GPR137C: variants seen among roughly 807,000 people sequenced by gnomAD.
The protein encoded by GPR137C is integral membrane protein GPR137C.
GPR137C carries 27 observed loss-of-function variants against 43.4 expected under a neutral mutation model. The ratio of observed to expected loss-of-function variants is 0.62; its 90% confidence interval spans 0.46 to 0.86. The LOEUF is 0.86. GPR137C is among the 40% of genes least tolerant of loss of function. The pLI, the probability that GPR137C is intolerant of heterozygous loss-of-function variation, is 0.00. For missense variants in GPR137C, 522 were observed against 534.6 expected (o/e 0.98, Z 0.23); for synonymous variants, 285 against 226.9 (o/e 1.26, Z -2.30).
Position 52,563,769 on chromosome 14 carries a change from AC to A in GPR137C, c.444+10179del, listed in dbSNP as rs576112472. 1.6e-4 allele frequency among the ~76,000 whole-genome samples: 24 copies of A among 152,254 alleles called. 2 individuals are homozygous for A. The South Asian group carries it at 5.0e-3, about 32-fold the overall frequency. On this transcript the variant is annotated intron_variant, in intron 1 of 6. Coordinates refer to ENST00000321662, the MANE Select transcript of GPR137C (RefSeq NM_001099652.2). ...TTCTCAATATTCTTTCTCCCTCATT[AC>A]GCACATTCACTGCATCACCAAATCC...
chr14:52,557,580 AT>A, intron 1 of GPR137C, among the ~76,000 whole-genome samples: 1 of 152,254 alleles, frequency 6.6e-6, no homozygotes, highest in African/African-American at 2.4e-5. Flanking sequence ...AATCTACTAA[AT>A]TTTTTCACTA....
At chr14:52,579,270 C>T (rs2038609617) in intron 1 of GPR137C, among the ~76,000 whole-genome samples, 1 of 152,150 alleles carries the variant, frequency 6.6e-6, no homozygotes, top group African/African-American at 2.4e-5. Flanking sequence ...ATTTAACTTT[C>T]ATGCTTTAGA....
intron 3 of GPR137C, among the ~76,000 whole-genome samples, chr14:52,627,860 TA>T (rs2039247131): frequency 1.3e-5 from 2 of 152,152 alleles, no homozygotes; most frequent in South Asian, 4.1e-4. Context: ...ATATGTATAT[TA>T]AAAATAAAAA....
At position 52,614,412 on chromosome 14, in the gene GPR137C, G is replaced by A. The variant is rs572951857; in HGVS notation, c.717+14071G>A. Among the ~76,000 whole-genome samples the A allele has an allele frequency of 2.0e-5, 3 of 152,164 alleles. No homozygotes were observed. The South Asian group carries it at 6.2e-4, about 32-fold the overall frequency. ...CTGGGATTACAGGTGTGAGCCATGA[G>A]CACTTTTTCATATTCTTGTTCGCCA... is the stretch of plus-strand genomic sequence containing the variant. On this transcript the variant is annotated intron_variant, in intron 3 of 6. Transcript: ENST00000321662.
At chr14:52,564,570 A>AG (rs2038337531) in intron 1 of GPR137C, among the ~76,000 whole-genome samples, 1 of 152,130 alleles carries the variant, frequency 6.6e-6, no homozygotes, top group Non-Finnish European at 1.5e-5. Flanking sequence ...TCTTCAAGGA[A>AG]GCCTTCACTC....
At position 52,614,198 on chromosome 14, in the gene GPR137C, G is replaced by A. The variant is rs146403688; in HGVS notation, c.717+13857G>A. On this transcript the variant is annotated intron_variant, in intron 3 of 6. Transcript: ENST00000321662. Reference sequence around the variant, plus strand: ...TGCAGTGGCATGATCTCAGCTCCCCGCAGCCTCAACCTCCTGGGCTCAATC... The same window carrying A: ...TGCAGTGGCATGATCTCAGCTCCCCACAGCCTCAACCTCCTGGGCTCAATC... 2.5e-3 allele frequency among the ~76,000 whole-genome samples: 381 copies of A among 149,826 alleles called. 1 individual carries two copies. Among genetic ancestry groups the A allele is most frequent in the African/African-American group, 9.0e-3 (364 of 40,658 alleles).
chr14:52,573,332 G>C (rs2038500588), intron 1 of GPR137C, among the ~76,000 whole-genome samples: 1 of 152,100 alleles, frequency 6.6e-6, no homozygotes, highest in Non-Finnish European at 1.5e-5. Context: ...ATACTACAAG[G>C]CTACAGTAAC....
At chr14:52,594,436 C>T (rs534516105) in intron 1 of GPR137C, among the ~76,000 whole-genome samples, 21 of 151,158 alleles carry the variant, frequency 1.4e-4, no homozygotes, top group Admixed American at 7.9e-4. Flanking sequence ...TTAAAGTCTC[C>T]GATTATTGGG....
At chr14:52,587,694 A>G (rs1380671694) in intron 1 of GPR137C, among the ~76,000 whole-genome samples, 1 of 152,172 alleles carries the variant, frequency 6.6e-6, no homozygotes, top group Non-Finnish European at 1.5e-5. Flanking sequence ...TGCTTGAACC[A>G]TGGAGGTGGA....
chr14:52,574,838 A>T (rs2038527408), intron 1 of GPR137C, among the ~76,000 whole-genome samples: 1 of 152,114 alleles, frequency 6.6e-6, no homozygotes, highest in African/African-American at 2.4e-5. Context: ...CCTTTGGTGA[A>T]TCTGGTGCTG....
At chr14:52,575,895 C>T (rs1312996687) in intron 1 of GPR137C, among the ~76,000 whole-genome samples, 1 of 152,194 alleles carries the variant, frequency 6.6e-6, no homozygotes, top group Non-Finnish European at 1.5e-5. Flanking sequence ...CAGGGACAAC[C>T]TCCCAGTTAT....
chr14:52,624,476 G>A (rs990973689), intron 3 of GPR137C, among the ~76,000 whole-genome samples: 5 of 151,978 alleles, frequency 3.3e-5, no homozygotes, highest in Admixed American at 6.6e-5. Flanking sequence ...CAGGCATGGT[G>A]GCTTTGGGAG....
At position 52,606,739 on chromosome 14, in the gene GPR137C, C is replaced by G. The variant is rs1011657825; in HGVS notation, c.717+6398C>G. Among the ~76,000 whole-genome samples, 3 of 152,244 alleles carry G rather than the reference C, an allele frequency of 2.0e-5. No individual in the cohort carries two copies. In the South Asian group the frequency reaches 6.2e-4, roughly 32 times the overall value. On this transcript the variant is annotated intron_variant, in intron 3 of 6. Coordinates refer to ENST00000321662, the MANE Select transcript of GPR137C (RefSeq NM_001099652.2). The stretch of plus-strand genomic sequence containing the variant: ...TTTGTTGATTTATTTTTTCAAAAAA[C>G]AAACTTTTTGTTTTGTTCCTCTTTT...
At chr14:52,623,325 A>G (rs1178822734) in intron 3 of GPR137C, among the ~76,000 whole-genome samples, 1 of 152,192 alleles carries the variant, frequency 6.6e-6, no homozygotes, top group East Asian at 1.9e-4. Context: ...TAAACTTTCC[A>G]TCCAGCAGGC....
intron 1 of GPR137C, among the ~76,000 whole-genome samples, chr14:52,584,301 C>A (rs2038685197): frequency 1.3e-5 from 2 of 152,124 alleles, no homozygotes; most frequent in African/African-American, 4.8e-5. Context: ...GGATCATGGG[C>A]ATATTTGGGG....
chr14:52,552,969 G>C lies in GPR137C; in HGVS notation c.-179G>C, dbSNP rs919466616. ...CCCGGGGGGTGGGGGGAAAGAGGAG[G>C]CGGGGTCCGGGGGAGCCGCGGCTGC... is the stretch of plus-strand genomic sequence containing the variant. On this transcript the variant is annotated 5_prime_UTR_variant, in exon 1 of 7. Coordinates refer to ENST00000321662, the MANE Select transcript of GPR137C (RefSeq NM_001099652.2). Among the ~76,000 whole-genome samples, 1 of 151,386 alleles carries C rather than the reference G, an allele frequency of 6.6e-6. No individual in the cohort carries two copies. Among genetic ancestry groups the C allele is most frequent in the Non-Finnish European group, 1.5e-5 (1 of 67,742 alleles).
rs774640416 is a variant in GPR137C at position 52,553,531 on chromosome 14, C to T, written c.384C>T (p.Tyr128=). 45 of 1,609,420 alleles carry T rather than the reference C, an allele frequency of 2.8e-5. No individual in the cohort carries two copies. The African/African-American group carries it at 5.2e-4, about 19-fold the overall frequency. Reference sequence around the variant, plus strand: ...ACTTCTTCCCCCACTGGCTGCTCTACTGCTTCCCCTCCTGTCTCCAGTTCT... The same window carrying T: ...ACTTCTTCCCCCACTGGCTGCTCTATTGCTTCCCCTCCTGTCTCCAGTTCT... ...HLHFFPHWLL[Y]CFPSCLQFST... Residue 128 remains tyrosine (Y), a synonymous_variant, in exon 1 of 7, where the codon TAC becomes TAT. Coordinates refer to ENST00000321662, the MANE Select transcript of GPR137C (RefSeq NM_001099652.2).
intron 3 of GPR137C, among the ~76,000 whole-genome samples, chr14:52,617,841 C>T (rs1465026998): frequency 6.6e-6 from 1 of 152,178 alleles, no homozygotes; most frequent in East Asian, 1.9e-4. Flanking sequence ...ATAGTGCTCT[C>T]ATGGGTTGCT....
At chr14:52,598,387 T>C in intron 2 of GPR137C, 72 bp downstream of exon 2, 1 of 633,356 alleles carries the variant, frequency 1.6e-6, no homozygotes, top group Non-Finnish European at 2.7e-6. Context: ...TAAGGCTTAG[T>C]ATCTAAAAGA....
Sources: gnomAD v4.1 joint callset for allele counts (sites outside exome capture counted in the v4.1 genomes callset) on GRCh38, gnomAD v4.1.1 for gene constraint, MANE v1.5 for transcripts, NCBI Gene and HGNC (gene_info 2026-07-23, HGNC 2026-07-21) for gene names.